MED24: variants seen among roughly 807,000 people sequenced by gnomAD.
The protein encoded by MED24 is mediator complex subunit 24.
In MED24, 74 loss-of-function variants were observed where a neutral mutation model predicts 118.8. That is an observed-to-expected ratio of 0.62 (90% confidence interval 0.52 to 0.76). MED24 has a LOEUF of 0.76. Among genes scored for constraint, MED24 ranks in the 30% least tolerant of loss-of-function variants. The probability of loss-of-function intolerance (pLI) is 0.00; values close to 1 mark genes in which losing one functional copy is unlikely to be tolerated. For synonymous variants in MED24, 521 were observed against 523.9 expected, an observed-to-expected ratio of 0.99 and a Z score of 0.08; for missense variants, 1,041 against 1,278.9, an observed-to-expected ratio of 0.81 and a Z score of 2.84.
In MED24 at chr17:40,049,358, G is replaced by A. The variant is rs113276923; in HGVS notation, c.213+3940C>T. ...GCACACACACTCTCCTCAATGTGCC[G>A]GCTAACTCATACTCAACATTCAGGT... On this transcript the variant is annotated intron_variant, in intron 3 of 25. Transcript: ENST00000394128. Among the ~76,000 whole-genome samples the A allele has an allele frequency of 5.8e-3, 889 of 152,030 alleles. 13 individuals carry two copies. Among genetic ancestry groups the A allele is most frequent in the Non-Finnish European group, 6.4e-3 (436 of 67,994 alleles).
chr17:40,021,853 C>G, intron 23 of MED24, 102 bp downstream of exon 23: 1 of 869,490 alleles, frequency 1.2e-6, no homozygotes, highest in Non-Finnish European at 1.8e-6. Context: ...CCCTCTCTGA[C>G]CAGCTGCAAA....
At chr17:40,027,530 C>G in intron 15 of MED24, 65 bp from the exon 16 acceptor site, 1 of 1,494,304 alleles carries the variant, frequency 6.7e-7, no homozygotes, top group South Asian at 1.2e-5. Flanking sequence ...TCTGGGTTGA[C>G]AGGGATCGGG....
At chr17:40,045,380 G>A (rs1377954789) in intron 3 of MED24, among the ~76,000 whole-genome samples, 4 of 151,822 alleles carry the variant, frequency 2.6e-5, no homozygotes, top group South Asian at 2.1e-4. Context: ...ACCCAGCGGC[G>A]GGGACAGGAG....
chr17:40,023,072 G>A, intron 20 of MED24, 59 bp downstream of exon 20: 3 of 1,567,276 alleles, frequency 1.9e-6, no homozygotes, highest in Non-Finnish European at 2.6e-6. Flanking sequence ...GACCAGGCCA[G>A]GTGTGGGGAG....
chr17:40,028,947 T>TA lies in MED24; in HGVS notation c.1287dup (p.Lys430Ter), dbSNP rs1983044265. 3.7e-6 allele frequency: 6 copies of TA among 1,614,186 alleles called. No homozygotes were observed. The highest frequency in any genetic ancestry group is 1.1e-5 in the South Asian group (1 of 91,074). On this transcript the variant is annotated frameshift_variant, in exon 14 of 26. Transcript: ENST00000394128. LOFTEE classifies it high-confidence loss of function. ...ACTCCCAGCAGTCCCTCCGGTGACT[T>TA]AGAGTGGTCTGCATCCATCGTCTGG...
intron 23 of MED24, chr17:40,020,593 G>T: frequency 1.3e-6 from 1 of 780,418 alleles, no homozygotes; most frequent in Non-Finnish European, 2.0e-6. Flanking sequence ...TTTGAGACCA[G>T]CCTTGGCAAC....
chr17:40,038,271 CA>C (rs1353526355), intron 3 of MED24, among the ~76,000 whole-genome samples: 1 of 152,114 alleles, frequency 6.6e-6, no homozygotes, highest in East Asian at 1.9e-4. Flanking sequence ...TTGCTTTGAA[CA>C]GATGAATTCT....
chr17:40,019,690 G>T, intron 25 of MED24, 45 bp from the exon 26 acceptor site: 1 of 1,580,812 alleles, frequency 6.3e-7, no homozygotes, highest in South Asian at 1.2e-5. Context: ...GCTGGTGGTG[G>T]GTGTGCTGTC....
At chr17:40,036,251 C>G (rs1420672720) in intron 3 of MED24, 97 bp from the exon 4 acceptor site, 4 of 1,249,712 alleles carry the variant, frequency 3.2e-6, no homozygotes, top group Non-Finnish European at 4.6e-6. Context: ...CTCTCCTGAA[C>G]CTCAACCCCT....
intron 4 of MED24, 75 bp downstream of exon 4, chr17:40,036,041 C>T (rs1983897905): frequency 3.4e-6 from 5 of 1,492,154 alleles, no homozygotes; most frequent in Non-Finnish European, 4.7e-6. Context: ...TCACGGGTCA[C>T]AGCATCAGGG....
Position 40,035,358 on chromosome 17 carries a change from A to T in MED24, c.327-9T>A. On this transcript the variant is annotated splice_polypyrimidine_tract_variant and intron_variant, in intron 5 of 25. Coordinates refer to ENST00000394128, the MANE Select transcript of MED24 (RefSeq NM_014815.4). ...CTGCTTTGCCGTGACAGCTACAGGG[A>T]AGGATGCAAAATCAGACTCTGTTCT... The T allele has an allele frequency of 6.4e-7, 1 of 1,567,796 alleles. No individual in the cohort carries two copies. Among genetic ancestry groups the T allele is most frequent in the Non-Finnish European group, 8.7e-7 (1 of 1,153,720 alleles).
At chr17:40,039,837 G>A (rs1984357150) in intron 3 of MED24, among the ~76,000 whole-genome samples, 1 of 147,464 alleles carries the variant, frequency 6.8e-6, no homozygotes, top group Non-Finnish European at 1.5e-5. Flanking sequence ...AGGCTGGAGT[G>A]CAGCGGCGAG....
At position 40,022,770 on chromosome 17, in the gene MED24, G is replaced by A. The variant is rs148635606; in HGVS notation, c.2307C>T (p.Tyr769=). Residue 769 remains tyrosine, a synonymous_variant, in exon 21 of 26, where the codon TAC becomes TAT. Coordinates refer to ENST00000394128, the MANE Select transcript of MED24 (RefSeq NM_014815.4). ...EHTLRAVELL[Y]SIFCLDMQQV... is the part of the protein sequence containing the mutation. ...GCTGCATGTCCAGGCAGAAGATGGAGTAGAGCAGCTCCACTGCCCGCAGCG... is the reference window on the plus strand; with the variant it reads ...GCTGCATGTCCAGGCAGAAGATGGAATAGAGCAGCTCCACTGCCCGCAGCG... 313 of 1,613,884 alleles carry A rather than the reference G, an allele frequency of 1.9e-4. No homozygotes were observed. Among genetic ancestry groups the A allele is most frequent in the Middle Eastern group, 5.0e-4 (3 of 6,026 alleles).
intron 11 of MED24, 107 bp downstream of exon 11, chr17:40,031,431 G>T: frequency 7.6e-7 from 1 of 1,313,054 alleles, no homozygotes; most frequent in Non-Finnish European, 1.1e-6. Context: ...CCTGCCAAGG[G>T]GAGTGAACAA....
intron 25 of MED24, 46 bp from the exon 26 acceptor site, chr17:40,019,691 G>C (rs749295489): frequency 3.2e-6 from 5 of 1,580,960 alleles, no homozygotes; most frequent in South Asian, 1.2e-5. Context: ...CTGGTGGTGG[G>C]TGTGCTGTCC....
intron 3 of MED24, among the ~76,000 whole-genome samples, chr17:40,039,652 G>A (rs1984329299): frequency 6.6e-6 from 1 of 152,024 alleles, no homozygotes; most frequent in African/African-American, 2.4e-5. Flanking sequence ...CTATTGGTCT[G>A]TTTGTTGTTT....
chr17:40,022,844 G>C lies in MED24; in HGVS notation c.2251-18C>G. On this transcript the variant is annotated intron_variant, in intron 20 of 25. Coordinates refer to ENST00000394128, the MANE Select transcript of MED24 (RefSeq NM_014815.4). ...AGCAGCTCCTAGTGCGCAGGAAAGGGGGCAGTTCAGGAGCCAGGGGCCCGG... is the reference window on the plus strand; with the variant it reads ...AGCAGCTCCTAGTGCGCAGGAAAGGCGGCAGTTCAGGAGCCAGGGGCCCGG... 1 of 1,611,016 alleles carries C rather than the reference G, an allele frequency of 6.2e-7. No homozygotes were observed. The highest frequency in any genetic ancestry group is 1.7e-5 in the Admixed American group (1 of 60,000).
intron 18 of MED24, 113 bp from the exon 19 acceptor site, chr17:40,026,444 T>A: frequency 1.5e-6 from 2 of 1,332,134 alleles, no homozygotes; most frequent in Non-Finnish European, 2.1e-6. Context: ...CCGGGCCACA[T>A]TCCACACCTC....
chr17:40,021,925 G>C, intron 23 of MED24, 30 bp downstream of exon 23: 2 of 1,483,376 alleles, frequency 1.3e-6, no homozygotes, highest in Admixed American at 2.1e-5. Context: ...CCAGGAAAAG[G>C]AGCGGCGCGC....
Sources: gnomAD v4.1 joint callset for allele counts (sites outside exome capture counted in the v4.1 genomes callset) on GRCh38, gnomAD v4.1.1 for gene constraint, MANE v1.5 for transcripts, NCBI Gene and HGNC (gene_info 2026-07-23, HGNC 2026-07-21) for gene names.